The following APC2 variants were observed in gnomAD, a reference collection of about 807,000 sequenced individuals.
The protein encoded by APC2 is APC regulator of Wnt signaling pathway 2.
APC2 carries 41 observed loss-of-function variants against 72.5 expected under a neutral mutation model. The ratio of observed to expected loss-of-function variants is 0.57; its 90% CI spans 0.44 to 0.73. APC2 has a LOEUF of 0.73. APC2 is among the 30% of genes least tolerant of loss of function. APC2 has a pLI of 0.00. For synonymous variants in APC2, 1,898 were observed against 1,612.0 expected (o/e 1.18, Z -4.25); for missense variants, 3,729 against 3,403.4 (o/e 1.10, Z -2.38).
chr19:1,453,560 G>A lies in APC2; in HGVS notation c.362G>A (p.Gly121Glu). 6.2e-7 allele frequency: 1 copy of A among 1,611,168 alleles called. No individual in the cohort carries two copies. Among genetic ancestry groups the A allele is most frequent in the Non-Finnish European group, 8.5e-7 (1 of 1,179,330 alleles). The change falls in exon 4 of 15, where the codon GGG (glycine) becomes GAG (glutamate). Residue 121 changes from glycine to glutamate, a missense_variant. By Grantham distance (98) the Gly-to-Glu change is moderately conservative (BLOSUM62 -2). Transcript: ENST00000590469. ...HGSGPSKDSF[G>E]ELSRATIRLL... ...TCCGGGCCCTCCAAGGACAGCTTTGGGGAGCTGAGCCGGGCCACCATCCGG... is the reference window on the plus strand; with the variant it reads ...TCCGGGCCCTCCAAGGACAGCTTTGAGGAGCTGAGCCGGGCCACCATCCGG...
At position 1,453,440 on chromosome 19, in the gene APC2, T is replaced by C; in HGVS notation, c.242T>C (p.Met81Thr). The change falls in exon 4 of 15, where the codon ATG becomes ACG. Residue 81 changes from methionine to threonine, a missense_variant. Coordinates refer to ENST00000590469, the MANE Select transcript of APC2 (RefSeq NM_005883.3). ...GTCCCCGCCCATCCAGCCCTACAGA[T>C]GGACATCACCAGCCTGTACAACCTC... ...EVLEQLKALQMDITSLYNLKF... is the reference protein window; with the variant it reads ...EVLEQLKALQTDITSLYNLKF... 2 of 1,601,836 alleles carry C rather than the reference T, an allele frequency of 1.2e-6. No homozygotes were observed. The highest frequency in any genetic ancestry group is 8.5e-7 in the Non-Finnish European group (1 of 1,172,016).
chr19:1,448,299 G>GA (rs2083704652), upstream of APC2, among the ~76,000 whole-genome samples: 1 of 152,190 alleles, frequency 6.6e-6, no homozygotes, highest in Non-Finnish European at 1.5e-5. Context: ...CCAGCCTCCA[G>GA]AAAAAAATCC....
rs745335568 is a variant in APC2, at chr19:1,465,498, C to A, written c.2197C>A (p.Arg733=). 1.4e-5 allele frequency: 22 copies of A among 1,524,480 alleles called. No homozygotes were observed. Among genetic ancestry groups the A allele is most frequent in the Admixed American group, 2.1e-5 (1 of 48,682 alleles). The allele number at this position is 1,524,480 out of a possible 1,614,324, so 94.4% of individuals were successfully genotyped here. The change falls in exon 15 of 15, where the codon CGG becomes AGG. Residue 733 remains arginine, a synonymous_variant. Transcript: ENST00000590469. ...QRALEAELDA[R]HLAQALEHLE... ...GGCGCTGGAGGCCGAGCTGGACGCA[C>A]GGCACCTCGCGCAGGCGCTGGAGCA...
chr19:1,455,369 G>A lies in APC2; in HGVS notation c.523-15G>A. On this transcript the variant is annotated splice_polypyrimidine_tract_variant and intron_variant, in intron 5 of 14. Transcript: ENST00000590469. ...GGGCGCCCCTCACCGTGGCCCGCCCGCCTGCCTTTGCCAGCAGTTCTCGAT... is the reference window on the plus strand; with the variant it reads ...GGGCGCCCCTCACCGTGGCCCGCCCACCTGCCTTTGCCAGCAGTTCTCGAT... 6.2e-7 allele frequency: 1 copy of A among 1,605,046 alleles called. No individual in the cohort carries two copies. Among genetic ancestry groups the A allele is most frequent in the Non-Finnish European group, 8.5e-7 (1 of 1,176,288 alleles).
rs1158412843 is a variant in APC2 at position 1,455,444 on chromosome 19, C to T, written c.583C>T (p.Arg195Cys). 2 of 1,607,216 alleles carry T rather than the reference C, an allele frequency of 1.2e-6. No homozygotes were observed. Among genetic ancestry groups the T allele is most frequent in the Non-Finnish European group, 8.5e-7 (1 of 1,177,358 alleles). Residue 195 changes from arginine (R) to cysteine (C), a missense_variant, in exon 6 of 15, where the codon CGC becomes TGC. Coordinates refer to ENST00000590469, the MANE Select transcript of APC2 (RefSeq NM_005883.3). The stretch of plus-strand genomic sequence containing the variant: ...GCTTGAGTTCGAGGCCCAGCACATC[C>T]GCTCGCTGATGGAGGAGCGCTTCGG... Reference protein sequence around the residue: ...QQLEFEAQHIRSLMEERFGTS... With the variant: ...QQLEFEAQHICSLMEERFGTS...
rs373455264 is a variant in APC2 at position 1,468,285 on chromosome 19, G to A, written c.4984G>A (p.Ala1662Thr). The change falls in exon 15 of 15, where the codon GCA becomes ACA. Residue 1662 changes from alanine (A) to threonine (T), a missense_variant. Physicochemically the swap from Ala to Thr is moderately conservative, Grantham distance 58. Transcript: ENST00000590469. Reference protein sequence around the residue: ...PRATRLDERPAEGSRERGEEA... With the variant: ...PRATRLDERPTEGSRERGEEA... ...AGCCACCCGGCTGGATGAGCGGCCC[G>A]CAGAGGGGTCCCGGGAACGCGGCGA... is the stretch of plus-strand genomic sequence containing the variant. 14 of 1,536,730 alleles carry A rather than the reference G, an allele frequency of 9.1e-6. No homozygotes were observed. In the African/African-American group the frequency reaches 9.7e-5, roughly 11 times the overall value.
rs769006052 is a variant in APC2, at chr19:1,467,925, C to T, written c.4624C>T (p.Pro1542Ser). 6.3e-7 allele frequency: 1 copy of T among 1,585,356 alleles called. No homozygotes were observed. Among genetic ancestry groups the T allele is most frequent in the Non-Finnish European group, 8.5e-7 (1 of 1,174,090 alleles). Residue 1542 changes from proline (P) to serine (S), a missense_variant, in exon 15 of 15, where the codon CCG (proline) becomes TCG (serine). Pro to Ser is a moderately conservative substitution (Grantham distance 74). Transcript: ENST00000590469. Reference protein sequence around the residue: ...AIPRAFTRERPQGRKEAPAPS... With the variant: ...AIPRAFTRERSQGRKEAPAPS... ...CCCTCGCGCTTTTACGCGGGAGCGT[C>T]CGCAGGGCCGGAAGGAGGCCCCTGC...
chr19:1,467,813 G>A lies in APC2; in HGVS notation c.4512G>A (p.Glu1504=). Reference sequence around the variant, plus strand: ...TGTGCCTCACGACGCCCACTGAGGAGGCCGTGTACTGCTTCTACGGCAACG... The same window carrying A: ...TGTGCCTCACGACGCCCACTGAGGAAGCCGTGTACTGCTTCTACGGCAACG... ...QSLCLTTPTE[E]AVYCFYGNDS... Residue 1504 remains glutamate (E), a synonymous_variant, in exon 15 of 15, where the codon GAG becomes GAA. Transcript: ENST00000590469. The A allele has an allele frequency of 6.7e-7, 1 of 1,494,936 alleles. No homozygotes were observed. The highest frequency in any genetic ancestry group is 8.9e-7 in the Non-Finnish European group (1 of 1,128,534). The allele number at this position is 1,494,936 out of a possible 1,614,324, so 92.6% of individuals were successfully genotyped here. A position where few individuals can be genotyped will look rare whatever the true frequency, so the allele number is the denominator to read the frequency against.
At chr19:1,457,351 T>G in intron 9 of APC2, 108 bp downstream of exon 9, 1 of 1,411,514 alleles carries the variant, frequency 7.1e-7, no homozygotes, top group Non-Finnish European at 9.2e-7. Flanking sequence ...CCTTCTGGCG[T>G]TGGAGGCTGC....
In APC2 at chr19:1,467,772, G is replaced by T. The variant is rs1385912837; in HGVS notation, c.4471G>T (p.Gly1491Trp). The change falls in exon 15 of 15, where the codon GGG (glycine) becomes TGG (tryptophan). Residue 1491 changes from glycine (G) to tryptophan (W), a missense_variant. Physicochemically the swap from Gly to Trp is radical, Grantham distance 184. Coordinates refer to ENST00000590469, the MANE Select transcript of APC2 (RefSeq NM_005883.3). ...GSKPGRTRGD[G>W]ALQSLCLTTP... The stretch of plus-strand genomic sequence containing the variant: ...AAAGCCCGGCCGGACCCGCGGGGAC[G>T]GGGCGCTCCAGTCGCTGTGCCTCAC... 7 of 1,429,194 alleles carry T rather than the reference G, an allele frequency of 4.9e-6. No individual in the cohort carries two copies. In the South Asian group the frequency reaches 8.7e-5, roughly 18 times the overall value. 88.5% of individuals were successfully genotyped at this position (1,429,194 alleles called of 1,614,324 possible).
intron 14 of APC2, among the ~76,000 whole-genome samples, chr19:1,463,793 ATATT>A (rs947031965): frequency 4.6e-5 from 7 of 152,212 alleles, no homozygotes; most frequent in South Asian, 2.1e-4. Flanking sequence ...CTTCATTAAA[ATATT>A]TAAACAATAG....
Position 1,466,273 on chromosome 19 carries a change from G to A in APC2, c.2972G>A (p.Arg991His), listed in dbSNP as rs781675307. 8.5e-6 allele frequency: 13 copies of A among 1,525,080 alleles called. No individual in the cohort carries two copies. The highest frequency in any genetic ancestry group is 1.2e-5 in the South Asian group (1 of 80,876). 94.5% of individuals were successfully genotyped at this position (1,525,080 alleles called of 1,614,324 possible). A position where few individuals can be genotyped will look rare whatever the true frequency, so the allele number is the denominator to read the frequency against. Reference protein sequence around the residue: ...REATSADARVRTIKLSPTYQH... With the variant: ...REATSADARVHTIKLSPTYQH... ...GCCACCTCCGCCGACGCCCGCGTGCGCACCATCAAGCTGTCGCCTACCTAT... is the reference window on the plus strand; with the variant it reads ...GCCACCTCCGCCGACGCCCGCGTGCACACCATCAAGCTGTCGCCTACCTAT... Residue 991 changes from arginine to histidine, a missense_variant, in exon 15 of 15, where the codon CGC becomes CAC. By Grantham distance (29) the Arg-to-His change is conservative. Coordinates refer to ENST00000590469, the MANE Select transcript of APC2 (RefSeq NM_005883.3).
chr19:1,456,769 G>C, intron 8 of APC2, 84 bp from the exon 9 acceptor site: 1 of 1,487,992 alleles, frequency 6.7e-7, no homozygotes. Context: ...TGGGGACGGG[G>C]CAGGGGTCAC....
rs556036965 is a variant in APC2 at position 1,462,164 on chromosome 19, C to T, written c.1840C>T (p.Arg614Cys). 1.4e-5 allele frequency: 23 copies of T among 1,598,752 alleles called. No individual in the cohort carries two copies. The highest frequency in any genetic ancestry group is 4.5e-5 in the East Asian group (2 of 44,130). ...LRNVSSLVAT[R>C]EDYRQVLRDH... The stretch of plus-strand genomic sequence containing the variant: ...CAATGTGTCCAGCCTCGTCGCCACC[C>T]GTGAGGACTACAGGTCGGCCCCCAC... The change falls in exon 14 of 15, where the codon CGT (arginine) becomes TGT (cysteine). Residue 614 changes from arginine to cysteine, a missense_variant. Coordinates refer to ENST00000590469, the MANE Select transcript of APC2 (RefSeq NM_005883.3).
chr19:1,467,304 G>A lies in APC2; in HGVS notation c.4003G>A (p.Ala1335Thr), dbSNP rs1215647621. 1.4e-5 allele frequency: 19 copies of A among 1,325,526 alleles called. No homozygotes were observed. Among genetic ancestry groups the A allele is most frequent in the Admixed American group, 8.0e-5 (2 of 25,060 alleles). The allele number at this position is 1,325,526 out of a possible 1,614,324, so 82.1% of individuals were successfully genotyped here. ...PAPTGSRPRG[A>T]ADQELELLRE... ...GCCCACGGGTTCTCGCCCTCGCGGCGCCGCGGACCAGGAGCTGGAACTGCT... is the reference window on the plus strand; with the variant it reads ...GCCCACGGGTTCTCGCCCTCGCGGCACCGCGGACCAGGAGCTGGAACTGCT... The change falls in exon 15 of 15, where the codon GCC becomes ACC. Residue 1335 changes from alanine to threonine, a missense_variant. Physicochemically the swap from Ala to Thr is moderately conservative, Grantham distance 58 (BLOSUM62 0). Coordinates refer to ENST00000590469, the MANE Select transcript of APC2 (RefSeq NM_005883.3).
At chr19:1,460,069 TGAGGGCAGGTCTGGGGCATAGG>T in intron 10 of APC2, 90 bp from the exon 11 acceptor site, 2 of 1,433,526 alleles carry the variant, frequency 1.4e-6, no homozygotes, top group Non-Finnish European at 1.9e-6. Context: ...AAGGGGAACT[TGAGGGCAGGTCTGGGGCATAGG>T]GAGGGCCTCT....
upstream of APC2, among the ~76,000 whole-genome samples, chr19:1,446,866 C>T (rs1036776020): frequency 6.6e-6 from 1 of 152,236 alleles, no homozygotes; most frequent in African/African-American, 2.4e-5. The surrounding 1 kb of genome is among the most constrained non-coding windows in gnomAD (Gnocchi z 6.1). Flanking sequence ...TCTCCAGCCT[C>T]CGGAATCGTC....
At position 1,462,142 on chromosome 19, in the gene APC2, T is replaced by C. The variant is rs376265135; in HGVS notation, c.1818T>C (p.Asn606=). ...IIESGGGILR[N]VSSLVATRED... is the part of the protein sequence containing the mutation. ...AGAGCGGCGGCGGCATCCTCCGCAA[T>C]GTGTCCAGCCTCGTCGCCACCCGTG... Residue 606 remains asparagine, a synonymous_variant, in exon 14 of 15, where the codon AAT becomes AAC. Coordinates refer to ENST00000590469, the MANE Select transcript of APC2 (RefSeq NM_005883.3). 5.0e-6 allele frequency: 8 copies of C among 1,611,588 alleles called. No individual in the cohort carries two copies. In the African/African-American group the frequency reaches 9.3e-5, roughly 19 times the overall value.
rs765241285 is a variant in APC2 at position 1,453,574 on chromosome 19, G to A, written c.376G>A (p.Ala126Thr). The change falls in exon 4 of 15, where the codon GCC becomes ACC. Residue 126 changes from alanine to threonine, a missense_variant. Transcript: ENST00000590469. ...SKDSFGELSR[A>T]TIRLLEELDR... ...GGACAGCTTTGGGGAGCTGAGCCGG[G>A]CCACCATCCGGCTGCTGGAGGAACT... 9 of 1,609,098 alleles carry A rather than the reference G, an allele frequency of 5.6e-6. No homozygotes were observed. The East Asian group carries it at 1.6e-4, about 28-fold the overall frequency.
Sources: allele counts gnomAD v4.1 joint callset (sites outside exome capture counted in the v4.1 genomes callset), GRCh38; gene constraint gnomAD v4.1.1; non-coding constraint Gnocchi (gnomAD v3.1); transcripts MANE v1.5; gene names NCBI Gene and HGNC (gene_info 2026-07-23, HGNC 2026-07-21).